Variants in ZMIZ1 observed in about 807,000 individuals in gnomAD.
The protein encoded by ZMIZ1 is zinc finger MIZ domain-containing protein 1.
ZMIZ1 carries 17 observed loss-of-function variants against 113.9 expected under a neutral mutation model. The observed-to-expected ratio is 0.15, with a 90% CI of 0.10 to 0.22. The LOEUF (loss-of-function observed/expected upper bound fraction) is 0.22. Ranked by LOEUF, ZMIZ1 falls within the 10% of genes least tolerant of loss-of-function variation. The pLI is 1.00. For synonymous variants in ZMIZ1, 607 were observed against 603.1 expected (o/e 1.01, Z -0.09); for missense variants, 1,059 against 1,477.8 (o/e 0.72, Z 4.65).
At chr10:79,211,259 C>T (rs1848519076) in intron 6 of ZMIZ1, among the ~76,000 whole-genome samples, 1 of 152,198 alleles carries the variant, frequency 6.6e-6, no homozygotes, top group South Asian at 2.1e-4. Context: ...GCAGGAGCAG[C>T]TTACCCTAGT....
chr10:79,303,891 T>C (rs1426884833), intron 18 of ZMIZ1, 124 bp from the exon 19 acceptor site: 3 of 1,358,900 alleles, frequency 2.2e-6, no homozygotes, highest in Admixed American at 4.0e-5. Context: ...CAGCGTTTGG[T>C]GTGGGCTGGG....
At chr10:79,123,155 G>A (rs1302561583) in intron 2 of ZMIZ1, among the ~76,000 whole-genome samples, 1 of 152,204 alleles carries the variant, frequency 6.6e-6, no homozygotes, top group Non-Finnish European at 1.5e-5. Context: ...GATGAGAGGG[G>A]TATCGTGTCA....
At chr10:79,093,101 A>T (rs1843034023) in intron 1 of ZMIZ1, among the ~76,000 whole-genome samples, 1 of 148,706 alleles carries the variant, frequency 6.7e-6, no homozygotes, top group Non-Finnish European at 1.5e-5. Flanking sequence ...AGCTTCAGAT[A>T]ATTATTATTC....
chr10:79,183,330 G>A (rs1221985958), intron 4 of ZMIZ1, among the ~76,000 whole-genome samples: 1 of 151,512 alleles, frequency 6.6e-6, no homozygotes, highest in Non-Finnish European at 1.5e-5. Context: ...CACCCGGGAC[G>A]CAGCACAGGC....
intron 6 of ZMIZ1, among the ~76,000 whole-genome samples, chr10:79,209,154 G>C (rs1481360200): frequency 7.0e-6 from 1 of 143,866 alleles, no homozygotes; most frequent in Non-Finnish European, 1.5e-5. Context: ...AGCAGCAGAG[G>C]GGCAGGAGTG....
At chr10:79,259,730 C>T (rs1851144450) in intron 7 of ZMIZ1, among the ~76,000 whole-genome samples, 1 of 152,008 alleles carries the variant, frequency 6.6e-6, no homozygotes, top group Non-Finnish European at 1.5e-5. Flanking sequence ...ATTCTCCTGC[C>T]TCAGCCTCCC....
intron 3 of ZMIZ1, among the ~76,000 whole-genome samples, chr10:79,159,951 C>T (rs189334869): frequency 1.2e-4 from 19 of 152,358 alleles, no homozygotes; most frequent in African/African-American, 4.1e-4. Context: ...GGCCCGACGC[C>T]GTTTCTCCGG....
intron 8 of ZMIZ1, among the ~76,000 whole-genome samples, chr10:79,285,065 C>T (rs1409955684): frequency 1.3e-5 from 2 of 152,106 alleles, no homozygotes; most frequent in South Asian, 2.1e-4. Flanking sequence ...GCAGTGTGCT[C>T]CCTTGCCTCG....
At position 79,296,215 on chromosome 10, in the gene ZMIZ1, G is replaced by A; in HGVS notation, c.1231-256G>A. The A allele has an allele frequency of 1.8e-6, 1 of 555,866 alleles. No individual in the cohort carries two copies. Among genetic ancestry groups the A allele is most frequent in the East Asian group, 3.2e-5 (1 of 30,816 alleles). The allele number at this position is 555,866 out of a possible 1,614,324, so 34.4% of individuals were successfully genotyped here. On this transcript the variant is annotated intron_variant, in intron 12 of 24. Coordinates refer to ENST00000334512, the MANE Select transcript of ZMIZ1 (RefSeq NM_020338.4). The surrounding 1 kb of genome is among the most constrained non-coding windows in gnomAD (Gnocchi z 4.1). ...GGTGTGAGCAAGAGGCTCTGAAAGT[G>A]TCCCTGGAGTTCAGGGGCACATGTG... is the stretch of plus-strand genomic sequence containing the variant.
chr10:79,256,574 G>A (rs1017205977), intron 7 of ZMIZ1, among the ~76,000 whole-genome samples: 9 of 152,228 alleles, frequency 5.9e-5, no homozygotes, highest in Non-Finnish European at 1.2e-4. Context: ...CATGCTGAGG[G>A]GATCACAGGT....
chr10:79,094,968 AAG>A (rs1554849657), intron 1 of ZMIZ1, among the ~76,000 whole-genome samples: 2 of 150,314 alleles, frequency 1.3e-5, no homozygotes, highest in African/African-American at 4.9e-5. Flanking sequence ...AAAAAAAAAA[AAG>A]AGAGAGAGAG....
intron 20 of ZMIZ1, 52 bp downstream of exon 20, chr10:79,305,283 G>C: frequency 6.3e-7 from 1 of 1,598,128 alleles, no homozygotes; most frequent in Non-Finnish European, 8.6e-7. Context: ...AACCACAGAC[G>C]GGAGGGGCCA....
intron 7 of ZMIZ1, among the ~76,000 whole-genome samples, chr10:79,272,163 G>A (rs190815189): frequency 4.6e-5 from 7 of 152,218 alleles, no homozygotes; most frequent in Non-Finnish European, 8.8e-5. Flanking sequence ...GTGCACAACT[G>A]TAGTCCCAGC....
intron 4 of ZMIZ1, among the ~76,000 whole-genome samples, chr10:79,201,225 T>C (rs534735587): frequency 1.3e-5 from 2 of 152,156 alleles, no homozygotes; most frequent in African/African-American, 4.8e-5. Flanking sequence ...GGAGAATCGC[T>C]TGAACCTGGG....
chr10:79,155,220 C>A (rs1490856506), intron 3 of ZMIZ1, among the ~76,000 whole-genome samples: 1 of 152,192 alleles, frequency 6.6e-6, no homozygotes, highest in Non-Finnish European at 1.5e-5. Context: ...GAGAAGGGAG[C>A]CCCATCCCTC....
At position 79,142,150 on chromosome 10, in the gene ZMIZ1, G is replaced by A. The variant is rs1028277954; in HGVS notation, c.-131+2373G>A. Among the ~76,000 whole-genome samples the A allele has an allele frequency of 2.0e-5, 3 of 152,296 alleles. No homozygotes were observed. In the East Asian group the frequency reaches 5.8e-4, roughly 29 times the overall value. On this transcript the variant is annotated intron_variant, in intron 3 of 24. Coordinates refer to ENST00000334512, the MANE Select transcript of ZMIZ1 (RefSeq NM_020338.4). Reference sequence around the variant, plus strand: ...CTCAGCCAGGGACAATGGCCGGGGAGGGCTGCGTGAAGCTGAGGAGTTCTG... The same window carrying A: ...CTCAGCCAGGGACAATGGCCGGGGAAGGCTGCGTGAAGCTGAGGAGTTCTG...
At chr10:79,197,885 C>G (rs1284976942) in intron 4 of ZMIZ1, among the ~76,000 whole-genome samples, 1 of 152,086 alleles carries the variant, frequency 6.6e-6, no homozygotes, top group Non-Finnish European at 1.5e-5. Context: ...CCAAGAGTTC[C>G]TTGAACACAA....
intron 7 of ZMIZ1, among the ~76,000 whole-genome samples, chr10:79,260,791 A>G (rs2131900987): frequency 6.6e-6 from 1 of 152,342 alleles, no homozygotes; most frequent in South Asian, 2.1e-4. Context: ...ACTTATGTAA[A>G]TGAAAAGTAA....
At chr10:79,172,740 G>A (rs1420822290) in intron 4 of ZMIZ1, among the ~76,000 whole-genome samples, 3 of 152,216 alleles carry the variant, frequency 2.0e-5, no homozygotes, top group African/African-American at 7.2e-5. Context: ...ACACAAAAGA[G>A]GAGGAGGACA....
Sources: allele counts gnomAD v4.1 joint callset (sites outside exome capture counted in the v4.1 genomes callset), GRCh38; gene constraint gnomAD v4.1.1; non-coding constraint Gnocchi (gnomAD v3.1); transcripts MANE v1.5; gene names NCBI Gene and HGNC (gene_info 2026-07-23, HGNC 2026-07-21).